The following RRN3 variants were observed in gnomAD, a reference collection of about 807,000 sequenced individuals.
RRN3 encodes RNA polymerase I transcription factor RRN3.
RRN3 carries 38 observed loss-of-function variants against 82.3 expected under a neutral mutation model. That is an observed-to-expected ratio of 0.46 (90% confidence interval 0.36 to 0.61). The LOEUF (loss-of-function observed/expected upper bound fraction) is 0.61, where lower values mean the gene tolerates loss of function less well. Ranked by LOEUF, RRN3 falls within the 20% of genes least tolerant of loss-of-function variation. The pLI, the probability that RRN3 is intolerant of heterozygous loss-of-function variation, is 0.00. For missense variants in RRN3, 726 were observed against 793.1 expected (o/e 0.92, Z 1.02); for synonymous variants, 284 against 284.3 (o/e 1.00, Z 0.01).
rs560022920 is a variant in RRN3 at position 15,092,420 on chromosome 16, T to C, written c.195+89A>G. 311 of 782,664 alleles carry C rather than the reference T, an allele frequency of 4.0e-4. 2 individuals are homozygous for C. The African/African-American group carries it at 4.7e-3, about 12-fold the overall frequency. 48.5% of individuals were successfully genotyped at this position (782,664 alleles called of 1,614,324 possible). ...TGATTTCAACTGGTATCTTAATTAA[T>C]CTTGCTATTTCTATTGGTCTTTAGT... On this transcript the variant is annotated intron_variant, in intron 2 of 17. Coordinates refer to ENST00000198767, the MANE Select transcript of RRN3 (RefSeq NM_018427.5).
intron 15 of RRN3, among the ~76,000 whole-genome samples, chr16:15,065,739 T>C (rs1439598701): frequency 6.6e-6 from 1 of 152,182 alleles, no homozygotes; most frequent in African/African-American, 2.4e-5. Flanking sequence ...TCTTTATTTT[T>C]ACTGTTTGCA....
Position 15,072,939 on chromosome 16 carries a change from T to A in RRN3, c.1128+11A>T. On this transcript the variant is annotated intron_variant, in intron 12 of 17. Coordinates refer to ENST00000198767, the MANE Select transcript of RRN3 (RefSeq NM_018427.5). ...GTAAGCTAAGATAATGTTAATCACA[T>A]TCTTACTCACCAATTTGAAACTACA... 6.2e-7 allele frequency: 1 copy of A among 1,613,108 alleles called. No homozygotes were observed. The highest frequency in any genetic ancestry group is 8.5e-7 in the Non-Finnish European group (1 of 1,179,756).
intron 1 of RRN3, among the ~76,000 whole-genome samples, 171 bp from the exon 2 acceptor site, chr16:15,092,785 C>G (rs1025856082): frequency 6.6e-6 from 1 of 152,216 alleles, no homozygotes; most frequent in African/African-American, 2.4e-5. Flanking sequence ...CAACCAATAA[C>G]TGTCTTCCCA....
chr16:15,093,983 G>A (rs1179114333), intron 1 of RRN3, 162 bp downstream of exon 1: 2 of 686,478 alleles, frequency 2.9e-6, no homozygotes, highest in African/African-American at 1.8e-5. Context: ...CTATTACCCA[G>A]TTAGGAGGAA....
chr16:15,073,151 TA>T, intron 11 of RRN3, 71 bp from the exon 12 acceptor site: 3 of 1,506,680 alleles, frequency 2.0e-6, no homozygotes, highest in Non-Finnish European at 2.7e-6. Flanking sequence ...ATATTTTTTA[TA>T]AACACAACAC....
In RRN3 at chr16:15,070,121, A is replaced by G; in HGVS notation, c.1393T>C (p.Tyr465His). Residue 465 changes from tyrosine to histidine, a missense_variant, in exon 14 of 18, where the codon TAC becomes CAC. This residue lies in a region of RRN3 where 81 missense variants were observed against 156.4 expected (regional missense o/e 0.52). Coordinates refer to ENST00000198767, the MANE Select transcript of RRN3 (RefSeq NM_018427.5). ...TGCTTGTGTCTAAAAACAAAGGTGT[A>G]GAACACAGCTTGGCAGGCTGAGTAA... is the stretch of plus-strand genomic sequence containing the variant. The part of the protein sequence containing the change: ...PFYSACQAVF[Y>H]TFVFRHKQLL... 6.2e-7 allele frequency: 1 copy of G among 1,604,292 alleles called. No individual in the cohort carries two copies. The highest frequency in any genetic ancestry group is 1.3e-5 in the African/African-American group (1 of 74,260).
At chr16:15,065,181 A>G (rs573488753) in intron 16 of RRN3, 38 bp downstream of exon 16, 1 of 1,551,444 alleles carries the variant, frequency 6.4e-7, no homozygotes, top group South Asian at 1.2e-5. Context: ...AAAAAAAAAA[A>G]TCCACCTCCT....
chr16:15,065,145 G>C, intron 16 of RRN3, 74 bp downstream of exon 16: 1 of 1,469,190 alleles, frequency 6.8e-7, no homozygotes, highest in Non-Finnish European at 9.2e-7. Flanking sequence ...CAGCCTGGGC[G>C]ACAGAGTGAG....
intron 14 of RRN3, among the ~76,000 whole-genome samples, chr16:15,069,592 G>C (rs2045135330): frequency 6.6e-6 from 1 of 152,072 alleles, no homozygotes; most frequent in South Asian, 2.1e-4. Flanking sequence ...CAAACTTTAG[G>C]GTCAGCCAAA....
intron 3 of RRN3, among the ~76,000 whole-genome samples, chr16:15,089,522 C>T (rs1168595077): frequency 3.9e-5 from 6 of 152,194 alleles, no homozygotes; most frequent in South Asian, 4.2e-4. Context: ...GATCACTGGC[C>T]GGGCGTGGTT....
In RRN3 at chr16:15,085,841, T is replaced by C. The variant is rs116966794; in HGVS notation, c.473-143A>G. 5,919 of 1,279,640 alleles carry C rather than the reference T, an allele frequency of 4.6e-3. 334 individuals are homozygous for C. In the East Asian group the frequency reaches 0.12, roughly 27 times the overall value. The allele number at this position is 1,279,640 out of a possible 1,614,324, so 79.3% of individuals were successfully genotyped here. ...ATCCAAAGTTAGCCCAATGATTAAT[T>C]AAACGCACAATCTGAAAAAAAGTAA... On this transcript the variant is annotated intron_variant, in intron 5 of 17. Coordinates refer to ENST00000198767, the MANE Select transcript of RRN3 (RefSeq NM_018427.5).
intron 17 of RRN3, 25 bp downstream of exon 17, chr16:15,063,171 T>G: frequency 6.9e-7 from 1 of 1,457,164 alleles, no homozygotes; most frequent in East Asian, 2.3e-5. Context: ...ATTCCGAGAG[T>G]GTGCTCAATC....
intron 11 of RRN3, among the ~76,000 whole-genome samples, chr16:15,074,097 G>A (rs1218499783): frequency 6.6e-6 from 1 of 152,148 alleles, no homozygotes. Context: ...GAGTAGAAAT[G>A]TGGCCATTTA....
intron 6 of RRN3, 51 bp from the exon 7 acceptor site, chr16:15,084,756 G>A (rs186808616): frequency 1.6e-5 from 20 of 1,258,596 alleles, no homozygotes; most frequent in African/African-American, 1.2e-4. Flanking sequence ...ACTGAAGGGC[G>A]ACACGCTTGA....
chr16:15,083,057 T>C (rs2045769887), intron 8 of RRN3, among the ~76,000 whole-genome samples: 1 of 152,048 alleles, frequency 6.6e-6, no homozygotes, highest in Admixed American at 6.6e-5. Context: ...GGAATCTGAG[T>C]CAAATTCTTA....
In RRN3 at chr16:15,080,040, A is replaced by C. The variant is rs2045633025; in HGVS notation, c.723T>G (p.His241Gln). The C allele has an allele frequency of 6.2e-7, 1 of 1,601,148 alleles. No individual in the cohort carries two copies. Among genetic ancestry groups the C allele is most frequent in the African/African-American group, 1.3e-5 (1 of 74,578 alleles). The change falls in exon 9 of 18, where the codon CAT becomes CAG. Residue 241 changes from histidine to glutamine, a missense_variant. His to Gln is a conservative substitution (Grantham distance 24). Coordinates refer to ENST00000198767, the MANE Select transcript of RRN3 (RefSeq NM_018427.5). ...TTTCAATAATAAGCTCCAGAATTTC[A>C]TGCCTCAAGGTTGGAAAATATACAC... ...RISVYFPTLRHEILELIIEKL... is the reference protein window; with the variant it reads ...RISVYFPTLRQEILELIIEKL...
chr16:15,089,800 A>C (rs2046055788), intron 3 of RRN3, among the ~76,000 whole-genome samples: 1 of 150,554 alleles, frequency 6.6e-6, no homozygotes, highest in Non-Finnish European at 1.5e-5. Flanking sequence ...AAAAAAAAAA[A>C]AAAAAAAAAA....
At chr16:15,072,592 C>T (rs1259036064) in intron 12 of RRN3, among the ~76,000 whole-genome samples, 3 of 152,044 alleles carry the variant, frequency 2.0e-5, no homozygotes. Context: ...CACTTGTGGT[C>T]AGGAGTTCAA....
chr16:15,063,087 C>T, intron 17 of RRN3, 109 bp downstream of exon 17: 2 of 845,338 alleles, frequency 2.4e-6, no homozygotes, highest in Admixed American at 3.5e-5. Context: ...GCCTTGACCC[C>T]CTAAAGTGCG....
Sources: gnomAD v4.1 joint callset for allele counts (sites outside exome capture counted in the v4.1 genomes callset) on GRCh38, gnomAD v4.1.1 for gene constraint, gnomAD v4.1.1 regional missense constraint, MANE v1.5 for transcripts, NCBI Gene and HGNC (gene_info 2026-07-23, HGNC 2026-07-21) for gene names.